The following MACC1 variants were observed in gnomAD, a reference collection of about 807,000 sequenced individuals.
MACC1 encodes the protein metastasis-associated in colon cancer protein 1.
A neutral mutation model predicts 70.7 loss-of-function variants in MACC1; 79 were observed. That is an observed-to-expected ratio of 1.12 (90% CI 0.93 to 1.35). The LOEUF (loss-of-function observed/expected upper bound fraction) is 1.35. Among genes scored for constraint, MACC1 ranks in the 40% most tolerant of loss-of-function variants. The pLI is 0.00. For synonymous variants in MACC1, 361 were observed against 347.2 expected (o/e 1.04, Z -0.44); for missense variants, 1,106 against 978.1 (o/e 1.13, Z -1.74).
intron 1 of MACC1, among the ~76,000 whole-genome samples, chr7:20,180,572 G>A (rs116028760): frequency 0.025 from 3,796 of 151,502 alleles, 154 homozygotes; most frequent in African/African-American, 0.087. Flanking sequence ...GTGCCTGGGC[G>A]CAGTGGCCAC....
intron 2 of MACC1, among the ~76,000 whole-genome samples, chr7:20,169,858 G>T (rs1353069026): frequency 6.6e-6 from 1 of 152,178 alleles, no homozygotes; most frequent in East Asian, 1.9e-4. Flanking sequence ...TGTATAAAAA[G>T]TGGCACAAGA....
At chr7:20,211,528 A>C (rs1022709041) in intron 1 of MACC1, among the ~76,000 whole-genome samples, 3 of 152,172 alleles carry the variant, frequency 2.0e-5, no homozygotes, top group Admixed American at 2.0e-4. Flanking sequence ...TAGAAATGGG[A>C]GTGTTCCAAA....
At chr7:20,165,982 G>T (rs889707444) in intron 2 of MACC1, among the ~76,000 whole-genome samples, 6 of 152,098 alleles carry the variant, frequency 3.9e-5, no homozygotes, top group African/African-American at 1.4e-4. Context: ...GAGGATAAGG[G>T]GTGGGGAGCA....
chr7:20,193,919 T>A (rs945285004), intron 1 of MACC1, among the ~76,000 whole-genome samples: 1 of 152,044 alleles, frequency 6.6e-6, no homozygotes, highest in East Asian at 1.9e-4. Flanking sequence ...TAAGAAGCCA[T>A]GTTTAAAGAA....
At chr7:20,152,167 G>T (rs1245842244) in intron 6 of MACC1, among the ~76,000 whole-genome samples, 1 of 152,154 alleles carries the variant, frequency 6.6e-6, no homozygotes, top group Non-Finnish European at 1.5e-5. Flanking sequence ...GAGAAAGTAA[G>T]CGAAACAGCT....
chr7:20,206,492 T>C (rs1393753402), intron 1 of MACC1, among the ~76,000 whole-genome samples: 3 of 152,198 alleles, frequency 2.0e-5, no homozygotes, highest in South Asian at 4.1e-4. Context: ...CTCTCCTTTT[T>C]AGTCTCCTCT....
At chr7:20,204,105 GGTACATA>G (rs1250086320) in intron 1 of MACC1, among the ~76,000 whole-genome samples, 1 of 151,962 alleles carries the variant, frequency 6.6e-6, no homozygotes, top group East Asian at 1.9e-4. Flanking sequence ...ACTATATTTG[GGTACATA>G]TTGAAGCCTG....
intron 1 of MACC1, among the ~76,000 whole-genome samples, chr7:20,210,965 C>T (rs995498308): frequency 1.3e-5 from 2 of 152,136 alleles, no homozygotes; most frequent in African/African-American, 4.8e-5. Flanking sequence ...TCTTCCTATG[C>T]AAAACTAAAT....
intron 1 of MACC1, among the ~76,000 whole-genome samples, chr7:20,200,143 A>G (rs1046174461): frequency 6.6e-6 from 1 of 152,116 alleles, no homozygotes; most frequent in African/African-American, 2.4e-5. Context: ...ATAAACACCT[A>G]GGAGTGTGTG....
At position 20,158,798 on chromosome 7, in the gene MACC1, C is replaced by A. The variant is rs749269948; in HGVS notation, c.1563G>T (p.Leu521Phe). The change falls in exon 5 of 7, where the codon TTG becomes TTT. Residue 521 changes from leucine to phenylalanine, a missense_variant. Coordinates refer to ENST00000400331, the MANE Select transcript of MACC1 (RefSeq NM_182762.4). ...LKRLSNLPGYLQKKEEIKSAP... is the reference protein window; with the variant it reads ...LKRLSNLPGYFQKKEEIKSAP... The stretch of plus-strand genomic sequence containing the variant: ...CAGACTTGATTTCCTCCTTCTTCTG[C>A]AAATAGCCTGGCAGATTCGAGAGTC... 20 of 1,613,974 alleles carry A rather than the reference C, an allele frequency of 1.2e-5. No homozygotes were observed. In the Middle Eastern group the frequency reaches 1.2e-3, roughly 93 times the overall value.
chr7:20,212,779 C>G (rs2128109689), intron 1 of MACC1, among the ~76,000 whole-genome samples: 2 of 152,170 alleles, frequency 1.3e-5, no homozygotes, highest in Middle Eastern at 3.4e-3. Context: ...TGCTACTGTC[C>G]TTCTCTCAGA....
chr7:20,200,428 C>T lies in MACC1; in HGVS notation c.-218+16871G>A, dbSNP rs148119796. ...AGGAAAAAAGAGGTTACTGGGAGAC[C>T]TTTGATATCAGTATTTCCTACCAAT... On this transcript the variant is annotated intron_variant, in intron 1 of 6. Transcript: ENST00000400331. Among the ~76,000 whole-genome samples, 42 of 152,198 alleles carry T rather than the reference C, an allele frequency of 2.8e-4. 1 individual carries two copies. Among genetic ancestry groups the T allele is most frequent in the African/African-American group, 9.4e-4 (39 of 41,534 alleles).
intron 1 of MACC1, among the ~76,000 whole-genome samples, chr7:20,184,226 A>C (rs975027945): frequency 1.3e-5 from 2 of 152,152 alleles, no homozygotes; most frequent in Admixed American, 1.3e-4. Context: ...CCCATCACCC[A>C]AGCAGTGTCC....
intron 1 of MACC1, among the ~76,000 whole-genome samples, chr7:20,195,977 T>C (rs866131001): frequency 1.3e-5 from 2 of 152,048 alleles, no homozygotes; most frequent in African/African-American, 2.4e-5. Flanking sequence ...TACTGGTCAG[T>C]TGTCGTGTCT....
chr7:20,165,681 C>T (rs184868495), intron 2 of MACC1, among the ~76,000 whole-genome samples: 35 of 152,180 alleles, frequency 2.3e-4, no homozygotes, highest in African/African-American at 7.5e-4. Flanking sequence ...TGACAATTGC[C>T]GCCCAAAACA....
Position 20,134,736 on chromosome 7 carries a change from A to G in MACC1, c.*6210T>C, listed in dbSNP as rs556472550. The G allele has an allele frequency of 2.0e-5, 3 of 152,232 alleles. No homozygotes were observed. The highest frequency in any genetic ancestry group is 4.4e-5 in the Non-Finnish European group (3 of 68,040). 9.4% of individuals were successfully genotyped at this position (152,232 alleles called of 1,614,324 possible). ...TTCCATGTATTGAGTTTAAGTGAGC[A>G]TATAAACATTAGGGACATTTAAAAT... On this transcript the variant is annotated 3_prime_UTR_variant, in exon 7 of 7. Coordinates refer to ENST00000400331, the MANE Select transcript of MACC1 (RefSeq NM_182762.4).
intron 1 of MACC1, among the ~76,000 whole-genome samples, chr7:20,203,793 G>A (rs1278941587): frequency 6.6e-6 from 1 of 152,020 alleles, no homozygotes; most frequent in African/African-American, 2.4e-5. Flanking sequence ...GAAATCAATC[G>A]TCTTGGAATC....
chr7:20,213,050 T>C (rs1452567020), intron 1 of MACC1, among the ~76,000 whole-genome samples: 5 of 152,186 alleles, frequency 3.3e-5, no homozygotes, highest in Non-Finnish European at 7.3e-5. Context: ...CGACTTGACA[T>C]TTCCAAAGCC....
At chr7:20,183,859 C>A (rs992205568) in intron 1 of MACC1, among the ~76,000 whole-genome samples, 1 of 152,050 alleles carries the variant, frequency 6.6e-6, no homozygotes, top group African/African-American at 2.4e-5. Flanking sequence ...AGGCGCCCGC[C>A]ACCATGCCCA....
Sources: gnomAD v4.1 joint callset for allele counts (sites outside exome capture counted in the v4.1 genomes callset) on GRCh38, gnomAD v4.1.1 for gene constraint, MANE v1.5 for transcripts, NCBI Gene and HGNC (gene_info 2026-07-23, HGNC 2026-07-21) for gene names.